PAK4: variants seen among roughly 807,000 people sequenced by gnomAD.
PAK4 encodes the protein serine/threonine-protein kinase PAK 4.
In PAK4, 49 loss-of-function variants were observed where a neutral mutation model predicts 53.5. The observed-to-expected ratio is 0.92, with a 90% confidence interval of 0.73 to 1.16. The LOEUF is 1.16. PAK4 is among the 50% of genes most tolerant of loss of function. The pLI, the probability that PAK4 is intolerant of heterozygous loss-of-function variation, is 0.00. For synonymous variants in PAK4, 376 were observed against 375.6 expected (o/e 1.00, Z -0.01); for missense variants, 824 against 850.7 (o/e 0.97, Z 0.39).
At chr19:39,131,297 G>C (rs1414545032) in intron 1 of PAK4, among the ~76,000 whole-genome samples, 1 of 152,122 alleles carries the variant, frequency 6.6e-6, no homozygotes, top group African/African-American at 2.4e-5. Context: ...GTGGAGACCT[G>C]TTCCCCCTGG....
rs200775475 is a variant in PAK4 at position 39,176,691 on chromosome 19, C to A, written c.1461C>A (p.Ile487=). Residue 487 remains isoleucine (I), a synonymous_variant, in exon 7 of 9, where the codon ATC becomes ATA. Coordinates refer to ENST00000358301, the Ensembl canonical transcript of PAK4. Reference sequence around the variant, plus strand: ...CCTACTGGATGGCCCCAGAGCTCATCTCCCGCCTTCCCTACGGGCCAGAGG... The same window carrying A: ...CCTACTGGATGGCCCCAGAGCTCATATCCCGCCTTCCCTACGGGCCAGAGG... 7 of 1,611,562 alleles carry A rather than the reference C, an allele frequency of 4.3e-6. No individual in the cohort carries two copies. In the Admixed American group the frequency reaches 8.3e-5, roughly 19 times the overall value.
At chr19:39,139,383 G>A (rs1397320772) in intron 1 of PAK4, among the ~76,000 whole-genome samples, 2 of 152,280 alleles carry the variant, frequency 1.3e-5, no homozygotes, top group South Asian at 4.1e-4. Flanking sequence ...CGGGATAAAG[G>A]GTTCGGGACC....
At chr19:39,164,378 G>A (rs1044622475) in intron 1 of PAK4, among the ~76,000 whole-genome samples, 12 of 152,056 alleles carry the variant, frequency 7.9e-5, no homozygotes, top group African/African-American at 2.9e-4. Flanking sequence ...AGGTGTAGAG[G>A]GCGACAGGAC....
At chr19:39,150,334 C>T (rs1050322768) in intron 1 of PAK4, among the ~76,000 whole-genome samples, 8 of 152,054 alleles carry the variant, frequency 5.3e-5, no homozygotes, top group African/African-American at 1.4e-4. Flanking sequence ...TCTAGGGTTC[C>T]GCGTGTAGAA....
chr19:39,155,136 A>G (rs1676653027), intron 1 of PAK4, among the ~76,000 whole-genome samples: 1 of 152,132 alleles, frequency 6.6e-6, no homozygotes, highest in African/African-American at 2.4e-5. Context: ...TGGATTCACC[A>G]TGGCCTGGGT....
At chr19:39,127,287 C>T (rs963909615) in intron 1 of PAK4, among the ~76,000 whole-genome samples, 6 of 152,032 alleles carry the variant, frequency 3.9e-5, no homozygotes, top group Non-Finnish European at 8.8e-5. Flanking sequence ...TCCCCAGCCC[C>T]TTTACTGTTC....
chr19:39,157,171 G>A (rs901363724), intron 1 of PAK4, among the ~76,000 whole-genome samples: 1 of 152,070 alleles, frequency 6.6e-6, no homozygotes, highest in African/African-American at 2.4e-5. Context: ...GACTGGGTGT[G>A]CCTAGGTCCA....
downstream of PAK4, chr19:39,179,428 G>GA (rs2144900809): frequency 6.6e-6 from 1 of 152,018 alleles, no homozygotes; most frequent in South Asian, 2.1e-4. Flanking sequence ...TGTGTGGGGG[G>GA]CAGGGGGCCC....
At chr19:39,169,790 C>A in intron 2 of PAK4, 33 bp downstream of exon 3, 1 of 1,493,722 alleles carries the variant, frequency 6.7e-7, no homozygotes, top group Non-Finnish European at 9.1e-7. Context: ...TCCCCCAGCC[C>A]ACCCCAACCC....
intron 1 of PAK4, among the ~76,000 whole-genome samples, chr19:39,154,620 T>G (rs897964795): frequency 3.9e-5 from 6 of 152,142 alleles, no homozygotes; most frequent in Admixed American, 6.5e-5. Flanking sequence ...TGTGGTAAAG[T>G]GAGAATCACT....
exon 2 of PAK4, chr19:39,169,666 A>G: frequency 6.2e-7 from 1 of 1,613,498 alleles, no homozygotes; most frequent in Non-Finnish European, 8.5e-7. Context: ...CTGCCCCGCC[A>G]GTGGCAGAGC....
intron 1 of PAK4, among the ~76,000 whole-genome samples, chr19:39,150,240 T>A (rs1187152757): frequency 6.6e-6 from 1 of 152,002 alleles, no homozygotes; most frequent in Non-Finnish European, 1.5e-5. Flanking sequence ...GGGAGAGGGA[T>A]TCCTCTGGCT....
At chr19:39,171,220 T>C (rs2074472671) in intron 2 of PAK4, among the ~76,000 whole-genome samples, 1 of 151,520 alleles carries the variant, frequency 6.6e-6, no homozygotes, top group East Asian at 1.9e-4. Context: ...TTTTTTTTTT[T>C]TTTTTTTGAG....
At chr19:39,176,610 G>C (rs2074610019) in exon 7 of PAK4, 1 of 1,613,856 alleles carries the variant, frequency 6.2e-7, no homozygotes, top group Non-Finnish European at 8.5e-7. Flanking sequence ...CAGACTTTGG[G>C]TTCTGCGCCC....
At chr19:39,130,954 C>T (rs963332421) in intron 1 of PAK4, among the ~76,000 whole-genome samples, 1 of 151,570 alleles carries the variant, frequency 6.6e-6, no homozygotes, top group African/African-American at 2.4e-5. Context: ...GTGGAGAAGA[C>T]GAGGGGACAG....
chr19:39,146,845 A>G (rs558791397), intron 1 of PAK4, among the ~76,000 whole-genome samples: 3 of 151,546 alleles, frequency 2.0e-5, no homozygotes, highest in South Asian at 4.2e-4. Context: ...TTGCAAAAGA[A>G]AGAGAGAAAG....
intron 1 of PAK4, among the ~76,000 whole-genome samples, chr19:39,135,909 C>A (rs531029680): frequency 2.0e-5 from 3 of 151,836 alleles, no homozygotes; most frequent in East Asian, 3.9e-4. Context: ...GCCCCCCCGC[C>A]ACATCCAAAG....
At chr19:39,135,323 T>A (rs1394726270) in intron 1 of PAK4, 1 of 130,760 alleles carries the variant, frequency 7.6e-6, no homozygotes, top group Admixed American at 8.3e-5. Context: ...AAGTGCTTAT[T>A]CTTTTTTTTT....
intron 1 of PAK4, among the ~76,000 whole-genome samples, chr19:39,167,146 C>T (rs2074389986): frequency 6.6e-6 from 1 of 152,248 alleles, no homozygotes; most frequent in Non-Finnish European, 1.5e-5. Context: ...GCTGTCCGCC[C>T]TCCGGGCTTA....
Sources: gnomAD v4.1 joint callset for allele counts (sites outside exome capture counted in the v4.1 genomes callset) on GRCh38, gnomAD v4.1.1 for gene constraint, MANE v1.5 for transcripts, NCBI Gene and HGNC (gene_info 2026-07-23, HGNC 2026-07-21) for gene names.